Variants in STK31 observed in about 807,000 individuals in gnomAD.
STK31 encodes serine/threonine-protein kinase 31.
In STK31, 89 loss-of-function variants were observed where a neutral mutation model predicts 129.7. That is an observed-to-expected ratio of 0.69 (90% CI 0.58 to 0.82). The LOEUF (loss-of-function observed/expected upper bound fraction) is 0.82, where lower values mean the gene tolerates loss of function less well. Ranked by LOEUF, STK31 falls within the 40% of genes least tolerant of loss-of-function variation. STK31 has a pLI of 0.00. For synonymous variants in STK31, 448 were observed against 395.3 expected, an observed-to-expected ratio of 1.13 and a Z score of -1.58; for missense variants, 1,187 against 1,176.4, an observed-to-expected ratio of 1.01 and a Z score of -0.13.
At chr7:23,811,808 T>A (rs1793152585) in intron 22 of STK31, 1 of 152,360 alleles carries the variant, frequency 6.6e-6, no homozygotes, top group Non-Finnish European at 1.5e-5. Flanking sequence ...TATTACAATA[T>A]ACATATGTGG....
chr7:23,718,558 A>G (rs1037731625), intron 4 of STK31, among the ~76,000 whole-genome samples: 1 of 152,126 alleles, frequency 6.6e-6, no homozygotes, highest in Non-Finnish European at 1.5e-5. Flanking sequence ...CTATCACCAT[A>G]GATTCGTATG....
At chr7:23,777,461 C>G (rs921555773) in intron 15 of STK31, among the ~76,000 whole-genome samples, 86 of 152,272 alleles carry the variant, frequency 5.6e-4, no homozygotes, top group African/African-American at 2.0e-3. Context: ...GTGTGGGAGT[C>G]TAATTCTCTT....
At chr7:23,716,390 TC>T (rs1255303439) in intron 3 of STK31, among the ~76,000 whole-genome samples, 2 of 152,170 alleles carry the variant, frequency 1.3e-5, no homozygotes, top group African/African-American at 4.8e-5. Context: ...GGTGGCAACT[TC>T]CAGGTTTTTT....
chr7:23,771,670 A>G (rs1790203384), intron 14 of STK31: 3 of 152,888 alleles, frequency 2.0e-5, no homozygotes, highest in African/African-American at 7.2e-5. Context: ...CATTAAGGTT[A>G]CTTCCAATTT....
At chr7:23,781,315 A>T in intron 15 of STK31, 104 bp from the exon 16 acceptor site, 3 of 776,090 alleles carry the variant, frequency 3.9e-6, no homozygotes, top group Non-Finnish European at 6.4e-6. Context: ...GTACTGAAGG[A>T]TACATAGAAA....
At chr7:23,716,797 C>CTTTT (rs34047442) in intron 3 of STK31, among the ~76,000 whole-genome samples, 2 of 123,372 alleles carry the variant, frequency 1.6e-5, no homozygotes, top group South Asian at 2.7e-4. Context: ...TTTTTGAGCA[C>CTTTT]TTTTTTTTTT....
intron 11 of STK31, among the ~76,000 whole-genome samples, chr7:23,763,886 T>C (rs1789639249): frequency 6.6e-6 from 1 of 152,228 alleles, no homozygotes; most frequent in Non-Finnish European, 1.5e-5. Flanking sequence ...TTACCTTTTA[T>C]GTATCTTTGA....
intron 8 of STK31, among the ~76,000 whole-genome samples, chr7:23,741,985 A>C (rs1414449791): frequency 6.6e-6 from 1 of 152,236 alleles, no homozygotes; most frequent in African/African-American, 2.4e-5. Context: ...CTGGGGCACC[A>C]CCCTGGTGAA....
intron 11 of STK31, among the ~76,000 whole-genome samples, chr7:23,765,867 C>T (rs1033669792): frequency 1.3e-5 from 2 of 152,092 alleles, no homozygotes; most frequent in Non-Finnish European, 2.9e-5. Context: ...TACTTTAGAA[C>T]ATTCTTATCT....
Position 23,735,561 on chromosome 7 carries a change from G to A in STK31, c.507G>A (p.Leu169=). The A allele has an allele frequency of 6.2e-7, 1 of 1,602,722 alleles. No individual in the cohort carries two copies. The highest frequency in any genetic ancestry group is 2.2e-5 in the East Asian group (1 of 44,740). ...FDQGTTFLGS[L]IFEKEIKMRI... is the part of the protein sequence containing the mutation. ...AGGGCACAACCTTTTTGGGGAGCTT[G>A]ATTTTTGAAAAGGAAATAAAAATGA... The change falls in exon 7 of 24, where the codon TTG becomes TTA. Residue 169 remains leucine (L), a synonymous_variant. Transcript: ENST00000355870.
In STK31 at chr7:23,751,088, C is replaced by A. The variant is rs559346497; in HGVS notation, c.1018-1629C>A. On this transcript the variant is annotated intron_variant, in intron 8 of 23. Coordinates refer to ENST00000355870, the MANE Select transcript of STK31 (RefSeq NM_031414.5). Reference sequence around the variant, plus strand: ...CCACTCTCTACCTCCATGAGATCAACTTTTTTTAGCTCCTACATATTAACA... The same window carrying A: ...CCACTCTCTACCTCCATGAGATCAAATTTTTTTAGCTCCTACATATTAACA... Among the ~76,000 whole-genome samples the A allele has an allele frequency of 1.3e-4, 20 of 152,288 alleles. No individual in the cohort carries two copies. The South Asian group carries it at 4.1e-3, about 32-fold the overall frequency.
At chr7:23,731,770 G>A (rs1787445538) in intron 6 of STK31, among the ~76,000 whole-genome samples, 1 of 152,110 alleles carries the variant, frequency 6.6e-6, no homozygotes, top group Admixed American at 6.6e-5. Flanking sequence ...TTATATGTAG[G>A]GTAAGGGAAT....
At chr7:23,759,748 A>G (rs1163202087) in intron 10 of STK31, among the ~76,000 whole-genome samples, 8 of 152,198 alleles carry the variant, frequency 5.3e-5, no homozygotes, top group African/African-American at 1.9e-4. Flanking sequence ...TGGTAAGTAT[A>G]ACTTATGATT....
intron 5 of STK31, among the ~76,000 whole-genome samples, 193 bp from the exon 6 acceptor site, chr7:23,728,898 G>A (rs546364838): frequency 5.3e-4 from 81 of 152,226 alleles, no homozygotes; most frequent in African/African-American, 1.8e-3. Context: ...AGAAATCACT[G>A]TAATTTCATG....
intron 22 of STK31, among the ~76,000 whole-genome samples, chr7:23,792,268 A>C (rs1392863754): frequency 6.6e-6 from 1 of 152,214 alleles, no homozygotes; most frequent in Non-Finnish European, 1.5e-5. Context: ...CTACTAGAAC[A>C]AATGAGTTTA....
At chr7:23,744,146 C>G (rs923658466) in intron 8 of STK31, among the ~76,000 whole-genome samples, 1 of 151,828 alleles carries the variant, frequency 6.6e-6, no homozygotes, top group African/African-American at 2.4e-5. Flanking sequence ...TTCTCAACCC[C>G]TGAGCTCAAG....
chr7:23,776,300 T>G (rs758763965), intron 15 of STK31, among the ~76,000 whole-genome samples: 1 of 152,106 alleles, frequency 6.6e-6, no homozygotes. Context: ...TTTTTTTTTG[T>G]TGTGTCTCTG....
chr7:23,802,323 T>C (rs1792425999), intron 22 of STK31, among the ~76,000 whole-genome samples: 1 of 152,208 alleles, frequency 6.6e-6, no homozygotes, highest in Non-Finnish European at 1.5e-5. Context: ...GTAAAGTTTG[T>C]TTATTCTTCC....
intron 22 of STK31, among the ~76,000 whole-genome samples, chr7:23,801,795 GTGTTATTCTC>G (rs55642432): frequency 0.32 from 47,960 of 151,670 alleles, 7,775 homozygotes; most frequent in South Asian, 0.42. Flanking sequence ...TTTTAAGAGA[GTGTTATTCTC>G]TGTTGAATTG....
Sources: allele counts gnomAD v4.1 joint callset (sites outside exome capture counted in the v4.1 genomes callset), GRCh38; gene constraint gnomAD v4.1.1; transcripts MANE v1.5; gene names NCBI Gene and HGNC (gene_info 2026-07-23, HGNC 2026-07-21).